ATP2B2: variants seen among roughly 807,000 people sequenced by gnomAD.
ATP2B2 encodes the protein ATPase plasma membrane Ca2+ transporting 2, also known as plasma membrane calcium-transporting ATPase 2.
Under a neutral mutation model 120.0 loss-of-function variants are expected in ATP2B2, and 15 were observed. The ratio of observed to expected loss-of-function variants is 0.12; its 90% confidence interval spans 0.08 to 0.19. The LOEUF is 0.19. ATP2B2 is among the 10% of genes least tolerant of loss of function. ATP2B2 has a pLI of 1.00. For missense variants in ATP2B2, 1,045 were observed against 1,719.8 expected (o/e 0.61, Z 6.94); for synonymous variants, 694 against 700.3 (o/e 0.99, Z 0.14).
chr3:10,449,404 T>C lies in ATP2B2; in HGVS notation c.140A>G (p.Lys47Arg). Residue 47 changes from lysine to arginine, a missense_variant, in exon 2 of 23, where the codon AAG becomes AGG. Transcript: ENST00000360273. ...LRGTEAVVKI[K>R]ETYGDTEAIC... Reference sequence around the variant, plus strand: ...GGCTTCGGTGTCCCCATAAGTCTCCTTGATCTTGACCACAGCCTCAGTGCC... The same window carrying C: ...GGCTTCGGTGTCCCCATAAGTCTCCCTGATCTTGACCACAGCCTCAGTGCC... 6.2e-7 allele frequency: 1 copy of C among 1,614,236 alleles called. No homozygotes were observed. Among genetic ancestry groups the C allele is most frequent in the Non-Finnish European group, 8.5e-7 (1 of 1,180,028 alleles).
At chr3:10,458,982 G>GC (rs1452809392) in intron 1 of ATP2B2, among the ~76,000 whole-genome samples, 1 of 152,186 alleles carries the variant, frequency 6.6e-6, no homozygotes, top group Non-Finnish European at 1.5e-5. Context: ...GGTTATTTTA[G>GC]CCCCACCCTC....
rs182891679 is a variant in ATP2B2, at chr3:10,611,347, G to A, written c.-415+8570C>T. Among the ~76,000 whole-genome samples the A allele has an allele frequency of 2.4e-3, 359 of 152,370 alleles. 2 individuals carry two copies. Among genetic ancestry groups the A allele is most frequent in the Non-Finnish European group, 3.8e-3 (258 of 68,038 alleles). Reference sequence around the variant, plus strand: ...CCTCCCTGGCCTGGGCATGTTTGGCGTTGGGGTGTGGCTGCGGAGAGCTTG... The same window carrying A: ...CCTCCCTGGCCTGGGCATGTTTGGCATTGGGGTGTGGCTGCGGAGAGCTTG... On this transcript the variant is annotated intron_variant, in intron 2 of 21. Coordinates refer to the ATP2B2 transcript ENST00000646379.
intron 5 of ATP2B2, among the ~76,000 whole-genome samples, chr3:10,391,882 C>T (rs1201374282): frequency 6.6e-6 from 1 of 152,198 alleles, no homozygotes; most frequent in Non-Finnish European, 1.5e-5. Flanking sequence ...AGTCCTGTCT[C>T]GTGGCCTCTG....
intron 2 of ATP2B2, among the ~76,000 whole-genome samples, chr3:10,431,140 C>T (rs550083530): frequency 1.3e-5 from 2 of 152,142 alleles, no homozygotes; most frequent in Non-Finnish European, 2.9e-5. Context: ...GAGCTGGAAT[C>T]TATTTTGGGT....
chr3:10,598,007 G>A (rs1395089661), intron 2 of ATP2B2, among the ~76,000 whole-genome samples: 2 of 152,160 alleles, frequency 1.3e-5, no homozygotes, highest in African/African-American at 4.8e-5. Context: ...GGGCTACTGG[G>A]GGGCAGGAAC....
chr3:10,587,558 T>G (rs1432903143), intron 2 of ATP2B2, among the ~76,000 whole-genome samples: 6 of 152,056 alleles, frequency 3.9e-5, no homozygotes, highest in African/African-American at 1.4e-4. Context: ...TTTTGTATTT[T>G]TAGTAGAGAG....
At chr3:10,508,101 ACTAGAACTGCCAC>A, upstream of ATP2B2, among the ~76,000 whole-genome samples, 1 of 152,114 alleles carries the variant, frequency 6.6e-6, no homozygotes, top group Non-Finnish European at 1.5e-5. Flanking sequence ...AGACCCTAAG[ACTAGAACTGCCAC>A]CTGGCCGAGT....
Position 10,619,676 on chromosome 3 carries a change from C to T in ATP2B2, c.-415+241G>A, listed in dbSNP as rs1404664884. Among the ~76,000 whole-genome samples the T allele has an allele frequency of 2.0e-5, 3 of 152,216 alleles. No individual in the cohort carries two copies. The East Asian group carries it at 5.8e-4, about 29-fold the overall frequency. The stretch of plus-strand genomic sequence containing the variant: ...CTGCAGCTTTCAGACCTGCTTCTGC[C>T]TTTACTCCTCCTCTACTAATAGAAG... On this transcript the variant is annotated intron_variant, in intron 2 of 21. Transcript: ENST00000646379.
chr3:10,453,511 C>A (rs1012525820), intron 1 of ATP2B2, among the ~76,000 whole-genome samples: 1 of 152,188 alleles, frequency 6.6e-6, no homozygotes, highest in Non-Finnish European at 1.5e-5. Flanking sequence ...GGTCCAGAGA[C>A]ACATTCCTAA....
intron 2 of ATP2B2, among the ~76,000 whole-genome samples, chr3:10,437,842 C>T (rs185471549): frequency 6.6e-6 from 1 of 152,304 alleles, no homozygotes; most frequent in Admixed American, 6.5e-5. Context: ...GGGCCTAATC[C>T]ATGCTATGAT....
chr3:10,698,412 C>T lies in ATP2B2; in HGVS notation c.-460+9503G>A, dbSNP rs1575633113. 3.3e-5 allele frequency among the ~76,000 whole-genome samples: 5 copies of T among 152,264 alleles called. 1 individual carries two copies. The highest frequency in any genetic ancestry group is 4.8e-5 in the African/African-American group (2 of 41,542). ...GTTAACCAACTCCAGAGCTAATCCA[C>T]CTTTGATTATGTGAGGTAAGAAAGG... On this transcript the variant is annotated intron_variant, in intron 1 of 21. Transcript: ENST00000646379.
rs1006854460 is a variant in ATP2B2, at chr3:10,343,154, T to G, written c.2704-189A>C. On this transcript the variant is annotated intron_variant, in intron 18 of 22. Coordinates refer to ENST00000360273, the MANE Select transcript of ATP2B2 (RefSeq NM_001001331.4). The surrounding 1 kb of genome is among the most constrained non-coding windows in gnomAD (Gnocchi z 4.2). The stretch of plus-strand genomic sequence containing the variant: ...GGAGAACAGTGCAGACCTGCCCACC[T>G]CAGCCACATCTTCCCTGCCAGGAGA... Among the ~76,000 whole-genome samples, 4 of 152,260 alleles carry G rather than the reference T, an allele frequency of 2.6e-5. No individual in the cohort carries two copies. The highest frequency in any genetic ancestry group is 4.1e-4 in the South Asian group (2 of 4,822).
intron 21 of ATP2B2, among the ~76,000 whole-genome samples, chr3:10,339,179 C>T (rs1418835662): frequency 3.3e-5 from 5 of 152,198 alleles, no homozygotes; most frequent in East Asian, 3.9e-4. Context: ...GGGCCCAGCC[C>T]CCAAGAGCCT....
chr3:10,660,210 A>G (rs2070743793), intron 1 of ATP2B2, among the ~76,000 whole-genome samples: 1 of 152,230 alleles, frequency 6.6e-6, no homozygotes, highest in South Asian at 2.1e-4. Flanking sequence ...GAGCAAACAC[A>G]TTCAAAAGCT....
At chr3:10,597,262 C>T (rs953102369) in intron 2 of ATP2B2, among the ~76,000 whole-genome samples, 4 of 150,574 alleles carry the variant, frequency 2.7e-5, no homozygotes, top group Admixed American at 2.6e-4. Context: ...CACACAGACA[C>T]AGGCACAGGC....
intron 5 of ATP2B2, among the ~76,000 whole-genome samples, chr3:10,392,898 G>C (rs1193008251): frequency 2.0e-5 from 3 of 152,246 alleles, no homozygotes; most frequent in African/African-American, 7.2e-5. Context: ...CCAGCCTAGG[G>C]CATGTCCTGG....
chr3:10,606,988 GAGAGAGAGAGAC>G (rs2069103670), intron 2 of ATP2B2, among the ~76,000 whole-genome samples: 1 of 37,040 alleles, frequency 2.7e-5, no homozygotes, highest in African/African-American at 7.7e-5. Context: ...GAAAGAAAGA[GAGAGAGAGAGAC>G]AGAGAGAGAG....
intron 3 of ATP2B2, among the ~76,000 whole-genome samples, chr3:10,518,876 C>G (rs553857666): frequency 1.4e-4 from 22 of 152,344 alleles, no homozygotes; most frequent in African/African-American, 5.1e-4. Flanking sequence ...AAAGTGGCTT[C>G]CCCTCCCTGG....
chr3:10,492,654 C>T (rs536155267), intron 1 of ATP2B2, among the ~76,000 whole-genome samples: 1 of 152,302 alleles, frequency 6.6e-6, no homozygotes, highest in South Asian at 2.1e-4. Flanking sequence ...ACTGCACCCC[C>T]TTTGCCCATG....
Sources: gnomAD v4.1 joint callset for allele counts (sites outside exome capture counted in the v4.1 genomes callset) on GRCh38, gnomAD v4.1.1 for gene constraint, Gnocchi (gnomAD v3.1) non-coding constraint, MANE v1.5 for transcripts, NCBI Gene and HGNC (gene_info 2026-07-23, HGNC 2026-07-21) for gene names.